DLEU7: variants seen among roughly 807,000 people sequenced by gnomAD.
The protein encoded by DLEU7 is leukemia-associated protein 7.
A neutral mutation model predicts 16.0 loss-of-function variants in DLEU7; 17 were observed. That is an observed-to-expected ratio of 1.06 (90% CI 0.73 to 1.59). The LOEUF is 1.59. DLEU7 is among the 40% of genes most tolerant of loss of function. DLEU7 has a pLI of 0.00. For missense variants in DLEU7, 308 were observed against 314.9 expected (o/e 0.98, Z 0.17); for synonymous variants, 113 against 139.8 (o/e 0.81, Z 1.35).
At chr13:50,723,060 G>C (rs985867382) in intron 1 of DLEU7, 63 of 152,172 alleles carry the variant, frequency 4.1e-4, no homozygotes, top group African/African-American at 1.4e-3. Flanking sequence ...TTGAACATTA[G>C]TATGTTTCTA....
At chr13:50,719,277 G>A (rs764658706) in intron 1 of DLEU7, among the ~76,000 whole-genome samples, 5 of 152,210 alleles carry the variant, frequency 3.3e-5, no homozygotes, top group African/African-American at 4.8e-5. Context: ...TTTATGTTAC[G>A]TTTTTGGTGA....
At chr13:50,801,979 G>A (rs1298930428) in intron 1 of DLEU7, among the ~76,000 whole-genome samples, 1 of 152,072 alleles carries the variant, frequency 6.6e-6, no homozygotes, top group African/African-American at 2.4e-5. Flanking sequence ...TAGTTGTCTG[G>A]AGGTGGGCAA....
intron 1 of DLEU7, among the ~76,000 whole-genome samples, chr13:50,807,696 G>A (rs1410489704): frequency 6.6e-6 from 1 of 152,116 alleles, no homozygotes; most frequent in East Asian, 1.9e-4. Context: ...TTACTCATAA[G>A]CCAGCCCGGG....
At chr13:50,778,641 G>C (rs1284398964) in intron 1 of DLEU7, among the ~76,000 whole-genome samples, 1 of 152,196 alleles carries the variant, frequency 6.6e-6, no homozygotes, top group Non-Finnish European at 1.5e-5. Context: ...CTTTGTATCA[G>C]AGAATAGCAT....
rs1243755743 is a variant in DLEU7, at chr13:50,790,402, G to A, written c.459+52786C>T. Among the ~76,000 whole-genome samples the A allele has an allele frequency of 8.6e-5, 13 of 151,962 alleles. No individual in the cohort carries two copies. The East Asian group carries it at 1.9e-3, about 23-fold the overall frequency. ...TCCTTTTATATTTTTTTCATGACAC[G>A]ATGTGGACTTTGAGGTGCCCTCTCA... On this transcript the variant is annotated intron_variant, in intron 1 of 1. Transcript: ENST00000400393.
intron 1 of DLEU7, among the ~76,000 whole-genome samples, chr13:50,815,382 G>T (rs1038623031): frequency 2.6e-5 from 4 of 152,104 alleles, no homozygotes; most frequent in Admixed American, 2.0e-4. Flanking sequence ...TGAAATGAGG[G>T]GAAGGAAATG....
chr13:50,719,406 T>C (rs1465331850), intron 1 of DLEU7, among the ~76,000 whole-genome samples: 1 of 152,234 alleles, frequency 6.6e-6, no homozygotes, highest in South Asian at 2.1e-4. Context: ...TCTTCTTCAG[T>C]ATTTCAGCAT....
intron 1 of DLEU7, among the ~76,000 whole-genome samples, chr13:50,778,177 C>A (rs1408005342): frequency 6.6e-6 from 1 of 152,120 alleles, no homozygotes; most frequent in African/African-American, 2.4e-5. Context: ...GAAGGGGAAG[C>A]AAGGTATGTC....
intron 1 of DLEU7, among the ~76,000 whole-genome samples, chr13:50,798,079 T>C (rs990004696): frequency 6.6e-6 from 1 of 152,194 alleles, no homozygotes; most frequent in East Asian, 1.9e-4. Flanking sequence ...CACCACCAAA[T>C]AGGCCTGGTT....
chr13:50,739,384 T>G (rs1160650899), intron 1 of DLEU7, among the ~76,000 whole-genome samples: 1 of 152,184 alleles, frequency 6.6e-6, no homozygotes, highest in Non-Finnish European at 1.5e-5. Context: ...GTTTGTTGAC[T>G]GAATAGACCT....
downstream of DLEU7, among the ~76,000 whole-genome samples, chr13:50,821,859 C>T (rs985774647): frequency 1.3e-5 from 2 of 152,018 alleles, no homozygotes; most frequent in Non-Finnish European, 2.9e-5. Context: ...GAAGAAAGAC[C>T]TCATCATAAA....
chr13:50,760,353 G>C (rs1304303433), intron 1 of DLEU7, among the ~76,000 whole-genome samples: 1 of 151,606 alleles, frequency 6.6e-6, no homozygotes, highest in African/African-American at 2.4e-5. Context: ...CTTTTTTTTG[G>C]TGGGAGCTGG....
chr13:50,843,154 G>T lies in DLEU7; in HGVS notation c.459+34C>A. ...CCCTTGGAGGATGGGAGGTTACCCT[G>T]CACGCCAGAGGGGATGGCGGGGGCC... On this transcript the variant is annotated intron_variant, in intron 1 of 1. Coordinates refer to ENST00000504404, the MANE Select transcript of DLEU7 (RefSeq NM_001306135.2). This position sits in a 1 kb window ranked among gnomAD's most constrained non-coding sequence, Gnocchi z 5.7. 1 of 1,564,790 alleles carries T rather than the reference G, an allele frequency of 6.4e-7. No individual in the cohort carries two copies. The highest frequency in any genetic ancestry group is 1.9e-5 in the Admixed American group (1 of 53,658).
At chr13:50,737,817 T>G (rs564476098) in intron 1 of DLEU7, among the ~76,000 whole-genome samples, 3 of 152,236 alleles carry the variant, frequency 2.0e-5, no homozygotes, top group African/African-American at 7.2e-5. Context: ...TCTCTTCCTT[T>G]AAATTGATGT....
At chr13:50,829,943 G>C (rs1877209537) in intron 1 of DLEU7, among the ~76,000 whole-genome samples, 1 of 152,174 alleles carries the variant, frequency 6.6e-6, no homozygotes, top group Non-Finnish European at 1.5e-5. Flanking sequence ...TGGGCTTTCA[G>C]TAGAAACTCA....
chr13:50,732,305 C>CT (rs1020825515), intron 1 of DLEU7, among the ~76,000 whole-genome samples: 6 of 152,056 alleles, frequency 3.9e-5, no homozygotes, highest in African/African-American at 1.4e-4. Flanking sequence ...TACTGTATTG[C>CT]TTTTTAAAAA....
At chr13:50,735,900 G>C (rs924754590) in intron 1 of DLEU7, among the ~76,000 whole-genome samples, 10 of 152,180 alleles carry the variant, frequency 6.6e-5, no homozygotes, top group African/African-American at 9.7e-5. Context: ...CTTCTACACT[G>C]TTGGTGGGAG....
chr13:50,722,394 A>G (rs1220164091), intron 1 of DLEU7, among the ~76,000 whole-genome samples: 1 of 152,194 alleles, frequency 6.6e-6, no homozygotes, highest in Non-Finnish European at 1.5e-5. Flanking sequence ...TCTAATCTGT[A>G]TTTTGACTTT....
intron 1 of DLEU7, among the ~76,000 whole-genome samples, chr13:50,763,000 T>A (rs1278910588): frequency 6.6e-6 from 1 of 152,104 alleles, no homozygotes; most frequent in East Asian, 1.9e-4. Context: ...TATGTAATGG[T>A]AGCCCTAGGT....
Sources: allele counts gnomAD v4.1 joint callset (sites outside exome capture counted in the v4.1 genomes callset), GRCh38; gene constraint gnomAD v4.1.1; non-coding constraint Gnocchi (gnomAD v3.1); transcripts MANE v1.5; gene names NCBI Gene and HGNC (gene_info 2026-07-23, HGNC 2026-07-21).